Variants in CHRNA7 observed in about 807,000 individuals in gnomAD.
CHRNA7 encodes cholinergic receptor nicotinic alpha 7 subunit, also known as neuronal acetylcholine receptor subunit alpha-7.
Under a neutral mutation model 48.0 loss-of-function variants are expected in CHRNA7, and 17 were observed. That is an observed-to-expected ratio of 0.35 (90% confidence interval 0.24 to 0.53). CHRNA7 has a LOEUF of 0.53. CHRNA7 is among the 20% of genes least tolerant of loss of function. The pLI is 0.92. For missense variants in CHRNA7, 155 were observed against 577.7 expected (o/e 0.27, Z 7.50); for synonymous variants, 75 against 242.3 (o/e 0.31, Z 6.41).
intron 2 of CHRNA7, among the ~76,000 whole-genome samples, chr15:32,053,519 T>C (rs1566806365): frequency 6.6e-6 from 1 of 152,168 alleles, no homozygotes; most frequent in South Asian, 2.1e-4. Flanking sequence ...TCAAAAAGTA[T>C]TGTAAAATAG....
At chr15:32,038,395 T>C (rs2049389577) in intron 2 of CHRNA7, among the ~76,000 whole-genome samples, 3 of 137,512 alleles carry the variant, frequency 2.2e-5, no homozygotes, top group Non-Finnish European at 4.6e-5. Context: ...GATATAATCA[T>C]ATGATTTTTC....
intron 2 of CHRNA7, among the ~76,000 whole-genome samples, chr15:32,050,792 C>G (rs1243065841): frequency 2.0e-5 from 3 of 151,958 alleles, no homozygotes; most frequent in African/African-American, 7.3e-5. Flanking sequence ...TACTTTTGGT[C>G]TTTGATGATG....
At chr15:32,130,471 C>A (rs959773770) in intron 4 of CHRNA7, among the ~76,000 whole-genome samples, 20 of 151,134 alleles carry the variant, frequency 1.3e-4, no homozygotes, top group Admixed American at 1.2e-3. Context: ...TCTGCTTTAT[C>A]TGATAATAAT....
At chr15:32,091,983 G>C (rs2050390604) in intron 2 of CHRNA7, among the ~76,000 whole-genome samples, 1 of 152,064 alleles carries the variant, frequency 6.6e-6, no homozygotes, top group Non-Finnish European at 1.5e-5. Context: ...CCAGAAGCAG[G>C]GCCCCCATGT....
chr15:32,120,864 A>G (rs1256717842), intron 4 of CHRNA7, among the ~76,000 whole-genome samples: 1 of 152,160 alleles, frequency 6.6e-6, no homozygotes, highest in Non-Finnish European at 1.5e-5. Context: ...GGGCTGTGTG[A>G]TAAATACATG....
intron 2 of CHRNA7, among the ~76,000 whole-genome samples, chr15:32,091,809 A>G (rs8027034): frequency 0.085 from 12,866 of 151,988 alleles, 729 homozygotes; most frequent in African/African-American, 0.14. Flanking sequence ...GTTCTTTTCA[A>G]TTTCCTCTTG....
chr15:32,148,409 G>A (rs1304855158), intron 4 of CHRNA7, among the ~76,000 whole-genome samples: 1 of 152,148 alleles, frequency 6.6e-6, no homozygotes, highest in African/African-American at 2.4e-5. Context: ...CTGGCTCAGT[G>A]TTGAGGCCTC....
At chr15:32,077,507 G>A (rs2050153247) in intron 2 of CHRNA7, among the ~76,000 whole-genome samples, 2 of 152,084 alleles carry the variant, frequency 1.3e-5, no homozygotes, top group African/African-American at 4.8e-5. Flanking sequence ...ATGTGTAGTG[G>A]TATCTCATTG....
At chr15:32,129,685 A>AT (rs941766218) in intron 4 of CHRNA7, among the ~76,000 whole-genome samples, 178 of 150,040 alleles carry the variant, frequency 1.2e-3, no homozygotes, top group Middle Eastern at 3.5e-3. Flanking sequence ...CATTTCATTG[A>AT]TTTTTTTTTC....
chr15:32,055,376 A>T (rs1275494509), intron 2 of CHRNA7, among the ~76,000 whole-genome samples: 1 of 152,120 alleles, frequency 6.6e-6, no homozygotes. Flanking sequence ...AAAAATAGAA[A>T]TTTATTTCTC....
intron 2 of CHRNA7, among the ~76,000 whole-genome samples, chr15:32,050,740 A>C (rs1007319213): frequency 6.9e-6 from 1 of 145,904 alleles, no homozygotes; most frequent in Non-Finnish European, 1.5e-5. Flanking sequence ...TAGAGTTTCC[A>C]GTTTTTCTGT....
In CHRNA7 at chr15:32,149,607, G is replaced by T. The variant is rs2051577937; in HGVS notation, c.351-4300G>T. ...TACTATGTACTTATAAAATCAATTT[G>T]CCTATGGGAAAGAAGCGTAAAACTA... On this transcript the variant is annotated intron_variant, in intron 4 of 9. Transcript: ENST00000306901. The surrounding 1 kb of genome is among the most constrained non-coding windows in gnomAD (Gnocchi z 4.6). Among the ~76,000 whole-genome samples the T allele has an allele frequency of 6.6e-6, 1 of 152,132 alleles. No individual in the cohort carries two copies.
chr15:32,036,215 T>C (rs1011051789), intron 2 of CHRNA7, among the ~76,000 whole-genome samples: 5 of 152,200 alleles, frequency 3.3e-5, no homozygotes, highest in African/African-American at 1.2e-4. Context: ...TTATTTCACT[T>C]AGTAATATGC....
intron 2 of CHRNA7, among the ~76,000 whole-genome samples, chr15:32,051,639 A>T (rs1335078874): frequency 6.6e-6 from 1 of 152,142 alleles, no homozygotes; most frequent in African/African-American, 2.4e-5. Flanking sequence ...CGGCTGGTGC[A>T]TGGTGCGCTG....
chr15:32,147,767 G>C (rs2141350847), intron 4 of CHRNA7, among the ~76,000 whole-genome samples: 1 of 152,174 alleles, frequency 6.6e-6, no homozygotes, highest in South Asian at 2.1e-4. Flanking sequence ...GCTGATTGCA[G>C]ACCCTCAACA....
intron 3 of CHRNA7, among the ~76,000 whole-genome samples, chr15:32,110,086 T>C (rs2050738672): frequency 6.6e-6 from 1 of 152,082 alleles, no homozygotes; most frequent in South Asian, 2.1e-4. Context: ...GTGGTAATAA[T>C]GGTGAACGTG....
At chr15:32,053,271 G>A (rs552081039) in intron 2 of CHRNA7, among the ~76,000 whole-genome samples, 4 of 152,308 alleles carry the variant, frequency 2.6e-5, no homozygotes, top group African/African-American at 4.8e-5. Flanking sequence ...AGAGCTTCTC[G>A]TTTCATCTTT....
intron 4 of CHRNA7, among the ~76,000 whole-genome samples, chr15:32,144,506 G>T (rs1031530043): frequency 1.3e-5 from 2 of 152,178 alleles, no homozygotes; most frequent in Admixed American, 6.5e-5. Flanking sequence ...ATCCTGAAGG[G>T]TGTTTTCCAA....
intron 2 of CHRNA7, among the ~76,000 whole-genome samples, chr15:32,084,054 T>A: frequency 6.6e-6 from 1 of 152,222 alleles, no homozygotes; most frequent in Non-Finnish European, 1.5e-5. Flanking sequence ...TCTGTTTGAT[T>A]AATTAGAATG....
Sources: gnomAD v4.1 joint callset for allele counts (sites outside exome capture counted in the v4.1 genomes callset) on GRCh38, gnomAD v4.1.1 for gene constraint, Gnocchi (gnomAD v3.1) non-coding constraint, MANE v1.5 for transcripts, NCBI Gene and HGNC (gene_info 2026-07-23, HGNC 2026-07-21) for gene names.